ABHD14A: variants seen among roughly 807,000 people sequenced by gnomAD.
The protein encoded by ABHD14A is protein ABHD14A.
ABHD14A carries 19 observed loss-of-function variants against 27.0 expected under a neutral mutation model. The observed-to-expected ratio is 0.70, with a 90% confidence interval of 0.49 to 1.03. The LOEUF (loss-of-function observed/expected upper bound fraction) is 1.03, where lower values mean the gene tolerates loss of function less well. Among genes scored for constraint, ABHD14A ranks in the 50% least tolerant of loss-of-function variants. The probability of loss-of-function intolerance (pLI) is 0.00; values close to 1 mark genes in which losing one functional copy is unlikely to be tolerated. For missense variants in ABHD14A, 311 were observed against 344.6 expected (o/e 0.90, Z 0.77); for synonymous variants, 148 against 158.8 (o/e 0.93, Z 0.51).
In ABHD14A at chr3:51,980,950, G is replaced by A; in HGVS notation, c.748G>A (p.Ala250Thr). Residue 250 changes from alanine to threonine, a missense_variant, in exon 5 of 5, where the codon GCC becomes ACC. By Grantham distance (58) the Ala-to-Thr change is moderately conservative. Coordinates refer to ENST00000273596, the MANE Select transcript of ABHD14A (RefSeq NM_015407.5). ...GGTGAAGCTACGCAATGCAGGCCAT[G>A]CCTGTTACCTCCACAAGCCGCAAGA... ...SVVKLRNAGHACYLHKPQDFH... is the reference protein window; with the variant it reads ...SVVKLRNAGHTCYLHKPQDFH... 6.2e-7 allele frequency: 1 copy of A among 1,614,128 alleles called. No individual in the cohort carries two copies. The highest frequency in any genetic ancestry group is 1.7e-5 in the Admixed American group (1 of 60,032).
chr3:51,976,510 A>G (rs1246292243), intron 1 of ABHD14A, among the ~76,000 whole-genome samples: 1 of 151,946 alleles, frequency 6.6e-6, no homozygotes, highest in Non-Finnish European at 1.5e-5. Flanking sequence ...CCCTGTCTCT[A>G]CTAAAAAATA....
At chr3:51,980,144 G>T (rs970520472) in intron 3 of ABHD14A, 5 of 549,868 alleles carry the variant, frequency 9.1e-6, no homozygotes, top group Non-Finnish European at 1.7e-5. Context: ...GGATGGTCTC[G>T]ATCTCCTAAC....
intron 1 of ABHD14A, among the ~76,000 whole-genome samples, chr3:51,976,606 C>T (rs946178651): frequency 1.3e-5 from 2 of 152,140 alleles, no homozygotes; most frequent in Non-Finnish European, 2.9e-5. Flanking sequence ...ACCCGGGAGG[C>T]GGAGGTTGCA....
intron 1 of ABHD14A, 43 bp downstream of exon 1, chr3:51,975,247 A>G: frequency 8.0e-7 from 1 of 1,242,270 alleles, no homozygotes; most frequent in Non-Finnish European, 1.0e-6. Flanking sequence ...GGCCCAGGGG[A>G]GGGCCGTCTT....
rs1307694960 is a variant in ABHD14A at position 51,980,478 on chromosome 3, G to C, written c.483G>C (p.Glu161Asp). ...ALLERALRDLEVQNAVLVSPS... is the reference protein window; with the variant it reads ...ALLERALRDLDVQNAVLVSPS... ...TGGAGCGGGCGCTGCGGGACCTGGA[G>C]GTACAGAATGCCGTGTTGGTGAGCC... The change falls in exon 4 of 5, where the codon GAG (glutamate) becomes GAC (aspartate). Residue 161 changes from glutamate (E) to aspartate (D), a missense_variant. Coordinates refer to ENST00000273596, the MANE Select transcript of ABHD14A (RefSeq NM_015407.5). 2 of 1,613,772 alleles carry C rather than the reference G, an allele frequency of 1.2e-6. No homozygotes were observed. The highest frequency in any genetic ancestry group is 1.7e-6 in the Non-Finnish European group (2 of 1,180,048).
chr3:51,977,287 T>C (rs1341884305), intron 1 of ABHD14A, among the ~76,000 whole-genome samples: 2 of 152,188 alleles, frequency 1.3e-5, no homozygotes, highest in Non-Finnish European at 2.9e-5. Flanking sequence ...TCTCCTTTGA[T>C]AGCCCTCATC....
At position 51,980,463 on chromosome 3, in the gene ABHD14A, G is replaced by A. The variant is rs368171899; in HGVS notation, c.468G>A (p.Ala156=). The A allele has an allele frequency of 5.1e-5, 83 of 1,613,530 alleles. No individual in the cohort carries two copies. In the African/African-American group the frequency reaches 7.1e-4, roughly 14 times the overall value. ...EAGRAALLER[A]LRDLEVQNAV... The stretch of plus-strand genomic sequence containing the variant: ...GGCGGGCAGCGCTGCTGGAGCGGGC[G>A]CTGCGGGACCTGGAGGTACAGAATG... Residue 156 remains alanine (A), a synonymous_variant, in exon 4 of 5, where the codon GCG becomes GCA. Coordinates refer to ENST00000273596, the MANE Select transcript of ABHD14A (RefSeq NM_015407.5).
rs1236879177 is a variant in ABHD14A at position 51,980,912 on chromosome 3, C to T, written c.710C>T (p.Pro237Leu). 3 of 1,614,180 alleles carry T rather than the reference C, an allele frequency of 1.9e-6. No individual in the cohort carries two copies. Among genetic ancestry groups the T allele is most frequent in the East Asian group, 4.5e-5 (2 of 44,890 alleles). The change falls in exon 5 of 5, where the codon CCC (proline) becomes CTC (leucine). Residue 237 changes from proline to leucine, a missense_variant. Pro to Leu is a moderately conservative substitution (Grantham distance 98). Transcript: ENST00000273596. ...RESLRQLRHL[P>L]NHSVVKLRNA... Reference sequence around the variant, plus strand: ...TCACTGCGGCAGCTCCGCCACCTGCCCAACCACTCTGTGGTGAAGCTACGC... The same window carrying T: ...TCACTGCGGCAGCTCCGCCACCTGCTCAACCACTCTGTGGTGAAGCTACGC...
rs548502559 is a variant in ABHD14A, at chr3:51,979,430, G to A, written c.398-963G>A. Among the ~76,000 whole-genome samples the A allele has an allele frequency of 9.9e-5, 15 of 151,926 alleles. No homozygotes were observed. In the South Asian group the frequency reaches 3.1e-3, roughly 32 times the overall value. On this transcript the variant is annotated intron_variant, in intron 3 of 4. Transcript: ENST00000273596. Reference sequence around the variant, plus strand: ...AGGGTAGCTACTGAGGACAATTGATGGGCCAAAGGATGTGTTGTGTTTTGT... The same window carrying A: ...AGGGTAGCTACTGAGGACAATTGATAGGCCAAAGGATGTGTTGTGTTTTGT...
chr3:51,981,034 G>C lies in ABHD14A; in HGVS notation c.*16G>C. 6.3e-7 allele frequency: 1 copy of C among 1,599,282 alleles called. No homozygotes were observed. The highest frequency in any genetic ancestry group is 1.1e-5 in the South Asian group (1 of 90,688). On this transcript the variant is annotated 3_prime_UTR_variant, in exon 5 of 5. Transcript: ENST00000273596. The stretch of plus-strand genomic sequence containing the variant: ...TCTACCTTGAACTAACCCACTCCCA[G>C]CTCCCAGCCTGGCATGAGCTTGGAC...
chr3:51,980,551 C>T lies in ABHD14A; in HGVS notation c.556C>T (p.His186Tyr), dbSNP rs189631613. ...CCTGCCCTTCCTGATGCGAGGCCAC[C>T]ACCAGCTACATGGATTTGTGCCCAT... ...YALPFLMRGH[H>Y]QLHGFVPIAP... is the part of the protein sequence containing the mutation. The change falls in exon 4 of 5, where the codon CAC becomes TAC. Residue 186 changes from histidine to tyrosine, a missense_variant. By Grantham distance (83) the His-to-Tyr change is moderately conservative (BLOSUM62 2). Transcript: ENST00000273596. 77 of 1,614,126 alleles carry T rather than the reference C, an allele frequency of 4.8e-5. No homozygotes were observed. The East Asian group carries it at 6.2e-4, about 13-fold the overall frequency.
chr3:51,980,790 A>C (rs1417520026), intron 4 of ABHD14A, 46 bp from the exon 5 acceptor site: 2 of 1,593,114 alleles, frequency 1.3e-6, no homozygotes, highest in East Asian at 2.3e-5. Flanking sequence ...TGGGGGTCAG[A>C]AACTCATCAG....
Position 51,978,068 on chromosome 3 carries a change from C to A in ABHD14A, c.267C>A (p.Leu89=). The stretch of plus-strand genomic sequence containing the variant: ...TCTTTTACCGCGAGGTGCTCCCACT[C>A]AACCAGGCACACAGGTAGGTGCTGC... ...SPIFYREVLP[L]NQAHRVEVVL... Residue 89 remains leucine (L), a synonymous_variant, in exon 2 of 5, where the codon CTC becomes CTA. Transcript: ENST00000273596. The A allele has an allele frequency of 6.2e-7, 1 of 1,613,810 alleles. No homozygotes were observed. Among genetic ancestry groups the A allele is most frequent in the Non-Finnish European group, 8.5e-7 (1 of 1,179,902 alleles).
Position 51,975,098 on chromosome 3 carries a change from C to G in ABHD14A, c.-38C>G, listed in dbSNP as rs1700754733. On this transcript the variant is annotated 5_prime_UTR_variant, in exon 1 of 5. Transcript: ENST00000273596. ...CCGAGATGGCCGCGCTCCTGGCCGCCTAGAGCCGGAGCGGCCCGCGGAGCT... is the reference window on the plus strand; with the variant it reads ...CCGAGATGGCCGCGCTCCTGGCCGCGTAGAGCCGGAGCGGCCCGCGGAGCT... 4 of 1,283,774 alleles carry G rather than the reference C, an allele frequency of 3.1e-6. No individual in the cohort carries two copies. The highest frequency in any genetic ancestry group is 3.9e-6 in the Non-Finnish European group (4 of 1,015,030). 79.5% of individuals were successfully genotyped at this position (1,283,774 alleles called of 1,614,324 possible).
chr3:51,978,090 C>T lies in ABHD14A; in HGVS notation c.281+8C>T, dbSNP rs781100597. On this transcript the variant is annotated splice_region_variant and intron_variant, in intron 2 of 4. Coordinates refer to ENST00000273596, the MANE Select transcript of ABHD14A (RefSeq NM_015407.5). ...ACTCAACCAGGCACACAGGTAGGTG[C>T]TGCTCCAAGGGTCTAGTGGAGGGAC... 2.1e-5 allele frequency: 34 copies of T among 1,611,900 alleles called. No individual in the cohort carries two copies. Among genetic ancestry groups the T allele is most frequent in the Non-Finnish European group, 2.6e-5 (31 of 1,179,046 alleles).
chr3:51,977,661 C>G (rs1700814021), intron 1 of ABHD14A, among the ~76,000 whole-genome samples: 2 of 152,230 alleles, frequency 1.3e-5, no homozygotes, highest in South Asian at 4.1e-4. Flanking sequence ...ACCTCAGATG[C>G]ACCTCCTCAC....
At chr3:51,976,519 T>C (rs938080512) in intron 1 of ABHD14A, among the ~76,000 whole-genome samples, 9 of 151,508 alleles carry the variant, frequency 5.9e-5, no homozygotes, top group Middle Eastern at 3.2e-3. Context: ...TACTAAAAAA[T>C]ACAAAAATTA....
chr3:51,978,146 C>T (rs1371933925), intron 2 of ABHD14A, 64 bp downstream of exon 2: 3 of 1,557,450 alleles, frequency 1.9e-6, no homozygotes, highest in African/African-American at 1.4e-5. Context: ...GTGTGGGACC[C>T]CCATTATACT....
chr3:51,975,353 T>TGC (rs1700764575), intron 1 of ABHD14A, 149 bp downstream of exon 1: 1 of 709,294 alleles, frequency 1.4e-6, no homozygotes, highest in Admixed American at 4.5e-5. Flanking sequence ...GTAATGTGTG[T>TGC]GCGCGCGCAG....
Sources: allele counts gnomAD v4.1 joint callset (sites outside exome capture counted in the v4.1 genomes callset), GRCh38; gene constraint gnomAD v4.1.1; transcripts MANE v1.5; gene names NCBI Gene and HGNC (gene_info 2026-07-23, HGNC 2026-07-21).